Variants in AGO4 observed in about 807,000 individuals in gnomAD.
The protein encoded by AGO4 is argonaute RISC component 4.
In AGO4, 33 loss-of-function variants were observed where a neutral mutation model predicts 104.7. That is an observed-to-expected ratio of 0.32 (90% CI 0.24 to 0.42). AGO4 has a LOEUF of 0.42. AGO4 is among the 10% of genes least tolerant of loss of function. The pLI is 1.00. For missense variants in AGO4, 711 were observed against 1,083.4 expected, an observed-to-expected ratio of 0.66 and a Z score of 4.83; for synonymous variants, 331 against 364.7, an observed-to-expected ratio of 0.91 and a Z score of 1.05.
At chr1:35,844,432 C>T (rs1307566730) in intron 15 of AGO4, among the ~76,000 whole-genome samples, 3 of 152,056 alleles carry the variant, frequency 2.0e-5, no homozygotes, top group Non-Finnish European at 4.4e-5. Context: ...TTTCATTTAC[C>T]CTATTCCCCA....
chr1:35,818,642 AAAGAAAGAAAGAAAGAAAGGAAGAAAGG>A (rs1333644353), intron 2 of AGO4, among the ~76,000 whole-genome samples: 1 of 90,598 alleles, frequency 1.1e-5, no homozygotes, highest in East Asian at 2.9e-4. Flanking sequence ...AGAAAGAAAG[AAAGAAAGAAAGAAAGAAAGGAAGAAAGG>A]AAGGAAGGAA....
intron 1 of AGO4, among the ~76,000 whole-genome samples, chr1:35,811,788 C>T (rs989183961): frequency 2.0e-5 from 3 of 151,920 alleles, no homozygotes; most frequent in Admixed American, 6.6e-5. Flanking sequence ...TTAGTAGAGA[C>T]GGGGTTTCAC....
chr1:35,838,467 G>C (rs941105464), intron 13 of AGO4, among the ~76,000 whole-genome samples: 1 of 151,576 alleles, frequency 6.6e-6, no homozygotes, highest in African/African-American at 2.4e-5. Flanking sequence ...AATTATAGAC[G>C]TGAGCCACCA....
At chr1:35,823,875 G>A (rs897189096) in intron 3 of AGO4, among the ~76,000 whole-genome samples, 2 of 151,910 alleles carry the variant, frequency 1.3e-5, no homozygotes, top group Middle Eastern at 3.2e-3. Flanking sequence ...GAGCCACCAC[G>A]CCCAGCGAGA....
chr1:35,827,623 T>C (rs1644057979), intron 7 of AGO4, among the ~76,000 whole-genome samples: 1 of 152,118 alleles, frequency 6.6e-6, no homozygotes, highest in South Asian at 2.1e-4. Flanking sequence ...CTGAATATTT[T>C]TGGTAGAGGT....
chr1:35,813,179 G>A (rs1453559428), intron 1 of AGO4, among the ~76,000 whole-genome samples: 2 of 151,994 alleles, frequency 1.3e-5, no homozygotes, highest in African/African-American at 2.4e-5. Flanking sequence ...GGAGGCCAAG[G>A]CAGGCAGATC....
At chr1:35,814,029 C>G (rs1415453898) in intron 1 of AGO4, among the ~76,000 whole-genome samples, 1 of 143,332 alleles carries the variant, frequency 7.0e-6, no homozygotes, top group Non-Finnish European at 1.5e-5. Context: ...AAGCCGAGAT[C>G]GCACCACTGC....
rs1158734343 is a variant in AGO4 at position 35,841,354 on chromosome 1, A to G, written c.1914A>G (p.Gln638=). 5 of 1,614,092 alleles carry G rather than the reference A, an allele frequency of 3.1e-6. No individual in the cohort carries two copies. The African/African-American group carries it at 6.7e-5, about 22-fold the overall frequency. ...TCTCCCAAGAGCTCCTCTACAGTCA[A>G]GAGGTCATCCAGGACCTGACTAACA... The part of the protein sequence containing the change: ...QEISQELLYS[Q]EVIQDLTNMV... Residue 638 remains glutamine (Q), a synonymous_variant, in exon 14 of 18, where the codon CAA becomes CAG. Coordinates refer to ENST00000373210, the MANE Select transcript of AGO4 (RefSeq NM_017629.4). The surrounding 1 kb of genome is among the most constrained non-coding windows in gnomAD (Gnocchi z 4.7).
rs376727706 is a variant in AGO4, at chr1:35,816,950, C to T, written c.88C>T (p.Leu30=). The change falls in exon 2 of 18, where the codon CTG becomes TTG. Residue 30 remains leucine, a synonymous_variant. Coordinates refer to ENST00000373210, the MANE Select transcript of AGO4 (RefSeq NM_017629.4). Reference sequence around the variant, plus strand: ...TGGAACTGTTGGAAAACCAATTCGACTGTTAGCCAATCATTTTCAGGTTCA... The same window carrying T: ...TGGAACTGTTGGAAAACCAATTCGATTGTTAGCCAATCATTTTCAGGTTCA... ...GLGTVGKPIR[L]LANHFQVQIP... is the part of the protein sequence containing the mutation. The T allele has an allele frequency of 1.9e-6, 3 of 1,613,926 alleles. No individual in the cohort carries two copies. The highest frequency in any genetic ancestry group is 1.6e-4 in the Middle Eastern group (1 of 6,084).
chr1:35,812,495 G>A (rs1471245558), intron 1 of AGO4, among the ~76,000 whole-genome samples: 1 of 152,172 alleles, frequency 6.6e-6, no homozygotes, highest in African/African-American at 2.4e-5. Context: ...TTGGATTCTA[G>A]TTAGTATTTA....
At chr1:35,812,241 G>T (rs1643533428) in intron 1 of AGO4, among the ~76,000 whole-genome samples, 1 of 151,076 alleles carries the variant, frequency 6.6e-6, no homozygotes, top group African/African-American at 2.4e-5. Flanking sequence ...AATGAAAAAA[G>T]TTATAATTTT....
chr1:35,841,563 G>T lies in AGO4; in HGVS notation c.2041-53G>T, dbSNP rs2148678418. On this transcript the variant is annotated intron_variant, in intron 14 of 17. Coordinates refer to ENST00000373210, the MANE Select transcript of AGO4 (RefSeq NM_017629.4). The surrounding 1 kb of genome is among the most constrained non-coding windows in gnomAD (Gnocchi z 4.7). ...CTCATCTACCATTCTGGGTAGATCT[G>T]AGAGATACTAGGCAAATTCTCAATT... 4 of 1,612,844 alleles carry T rather than the reference G, an allele frequency of 2.5e-6. No homozygotes were observed. Among genetic ancestry groups the T allele is most frequent in the East Asian group, 2.2e-5 (1 of 44,864 alleles).
intron 2 of AGO4, among the ~76,000 whole-genome samples, chr1:35,818,931 A>G (rs1643819691): frequency 6.6e-6 from 1 of 152,162 alleles, no homozygotes; most frequent in African/African-American, 2.4e-5. Flanking sequence ...ATTGCCCTGG[A>G]TGCTGTGCTG....
At position 35,808,886 on chromosome 1, in the gene AGO4, A is replaced by T. The variant is rs1323679494; in HGVS notation, c.19+451A>T. On this transcript the variant is annotated intron_variant, in intron 1 of 17. Transcript: ENST00000373210. This position sits in a 1 kb window ranked among gnomAD's most constrained non-coding sequence, Gnocchi z 5.2. ...CCCCTATTTTTCTTTGCACTGGCAGATGGTCCAGAGCCTTCAGATGAGGAA... is the reference window on the plus strand; with the variant it reads ...CCCCTATTTTTCTTTGCACTGGCAGTTGGTCCAGAGCCTTCAGATGAGGAA... Among the ~76,000 whole-genome samples the T allele has an allele frequency of 1.3e-5, 2 of 152,342 alleles. No individual in the cohort carries two copies. Among genetic ancestry groups the T allele is most frequent in the East Asian group, 3.9e-4 (2 of 5,170 alleles).
chr1:35,832,906 T>C (rs561115339), intron 11 of AGO4, among the ~76,000 whole-genome samples: 44 of 152,338 alleles, frequency 2.9e-4, no homozygotes, highest in African/African-American at 9.9e-4. Context: ...TTAATCGTTA[T>C]AATTTACTAA....
chr1:35,852,401 AG>A (rs1478536976), intron 17 of AGO4, among the ~76,000 whole-genome samples: 2 of 152,204 alleles, frequency 1.3e-5, no homozygotes, highest in Non-Finnish European at 2.9e-5. Context: ...GGTATCCTTA[AG>A]TAGTATGTTT....
intron 7 of AGO4, among the ~76,000 whole-genome samples, chr1:35,829,972 C>T (rs751812990): frequency 6.0e-4 from 90 of 150,648 alleles, no homozygotes; most frequent in Non-Finnish European, 1.3e-4. Context: ...CCAGCCTGGG[C>T]AATGTGGCAA....
At chr1:35,843,276 A>G (rs1242163289) in intron 15 of AGO4, among the ~76,000 whole-genome samples, 7 of 151,930 alleles carry the variant, frequency 4.6e-5, no homozygotes, top group Admixed American at 4.6e-4. Context: ...ATGTTAGCCA[A>G]TCCAGTCTTG....
At chr1:35,846,639 A>G (rs1644581178) in intron 15 of AGO4, among the ~76,000 whole-genome samples, 1 of 150,680 alleles carries the variant, frequency 6.6e-6, no homozygotes, top group Non-Finnish European at 1.5e-5. Flanking sequence ...ATTTAGGGAC[A>G]GGGTCTAAGT....
Sources: gnomAD v4.1 joint callset for allele counts (sites outside exome capture counted in the v4.1 genomes callset) on GRCh38, gnomAD v4.1.1 for gene constraint, Gnocchi (gnomAD v3.1) non-coding constraint, MANE v1.5 for transcripts, NCBI Gene and HGNC (gene_info 2026-07-23, HGNC 2026-07-21) for gene names.